The following CDC23 variants were observed in gnomAD, a reference collection of about 807,000 sequenced individuals.
CDC23 encodes cell division cycle protein 23 homolog.
Under a neutral mutation model 81.7 loss-of-function variants are expected in CDC23, and 26 were observed. That is an observed-to-expected ratio of 0.32 (90% CI 0.23 to 0.44). The LOEUF (loss-of-function observed/expected upper bound fraction) is 0.44, where lower values mean the gene tolerates loss of function less well. CDC23 is among the 20% of genes least tolerant of loss of function. CDC23 has a pLI of 1.00. For synonymous variants in CDC23, 267 were observed against 270.8 expected (o/e 0.99, Z 0.14); for missense variants, 519 against 728.0 (o/e 0.71, Z 3.30).
rs1214376068 is a variant in CDC23, at chr5:138,188,175, T to G, written c.*803A>C. 1.3e-5 allele frequency: 2 copies of G among 152,286 alleles called. 1 individual carries two copies. Among genetic ancestry groups the G allele is most frequent in the South Asian group, 4.1e-4 (2 of 4,822 alleles). 9.4% of individuals were successfully genotyped at this position (152,286 alleles called of 1,614,324 possible). On this transcript the variant is annotated 3_prime_UTR_variant, in exon 16 of 16. Coordinates refer to ENST00000394886, the MANE Select transcript of CDC23 (RefSeq NM_004661.4). ...TTTATTAAAACAGACCAGCTTGAAGTGAGTTTATTCTTGTCTGTATAATCA... is the reference window on the plus strand; with the variant it reads ...TTTATTAAAACAGACCAGCTTGAAGGGAGTTTATTCTTGTCTGTATAATCA...
intron 10 of CDC23, 30 bp from the exon 11 acceptor site, chr5:138,192,418 A>G: frequency 6.2e-7 from 1 of 1,614,126 alleles, no homozygotes; most frequent in Non-Finnish European, 8.5e-7. Flanking sequence ...GGTTGTTAAG[A>G]AGGCAGAATC....
At chr5:138,197,866 T>C (rs1754935178) in intron 9 of CDC23, among the ~76,000 whole-genome samples, 1 of 152,118 alleles carries the variant, frequency 6.6e-6, no homozygotes, top group Non-Finnish European at 1.5e-5. Context: ...ATCTTCAGAG[T>C]AGGATTAATC....
chr5:138,189,203 C>A, intron 15 of CDC23, 55 bp from the exon 16 acceptor site: 1 of 1,537,738 alleles, frequency 6.5e-7, no homozygotes, highest in Non-Finnish European at 8.9e-7. Flanking sequence ...GTCTCGAAAA[C>A]AAGTTATTAA....
chr5:138,195,524 T>C (rs1363058134), intron 9 of CDC23, among the ~76,000 whole-genome samples: 1 of 122,120 alleles, frequency 8.2e-6, no homozygotes, highest in African/African-American at 3.1e-5. Flanking sequence ...TAAATATATA[T>C]AAATTATATA....
intron 2 of CDC23, among the ~76,000 whole-genome samples, chr5:138,207,421 T>A (rs1447622943): frequency 6.6e-6 from 1 of 152,168 alleles, no homozygotes; most frequent in Non-Finnish European, 1.5e-5. Context: ...ATGAAGCCAA[T>A]AATACTGACC....
In CDC23 at chr5:138,195,536, A is replaced by C. The variant is rs1295997520; in HGVS notation, c.1012+2663T>G. Among the ~76,000 whole-genome samples the C allele has an allele frequency of 6.2e-4, 73 of 117,878 alleles. 1 individual carries two copies. The highest frequency in any genetic ancestry group is 2.3e-3 in the African/African-American group (72 of 30,700). 77.3% of individuals were successfully genotyped at this position (117,878 alleles called of 152,430 possible). On this transcript the variant is annotated intron_variant, in intron 9 of 15. Coordinates refer to ENST00000394886, the MANE Select transcript of CDC23 (RefSeq NM_004661.4). Reference sequence around the variant, plus strand: ...ATATAAATATATATAAATTATATATATTTATATATAATATAATTATATATA... The same window carrying C: ...ATATAAATATATATAAATTATATATCTTTATATATAATATAATTATATATA...
intron 6 of CDC23, 134 bp downstream of exon 6, chr5:138,200,973 G>A (rs17228428): frequency 0.014 from 12,588 of 924,316 alleles, 130 homozygotes; most frequent in Non-Finnish European, 0.017. Flanking sequence ...CCAAAACAGC[G>A]AAAAGACACC....
intron 13 of CDC23, among the ~76,000 whole-genome samples, chr5:138,190,537 G>T (rs566344357): frequency 6.6e-6 from 1 of 152,102 alleles, no homozygotes; most frequent in Non-Finnish European, 1.5e-5. Flanking sequence ...GCCAAGGCGG[G>T]TGGGTCATCA....
At chr5:138,197,419 G>C (rs1754926987) in intron 9 of CDC23, among the ~76,000 whole-genome samples, 1 of 150,494 alleles carries the variant, frequency 6.6e-6, no homozygotes. Flanking sequence ...TAAAAAAAAG[G>C]AAGTTAGATA....
At chr5:138,207,266 T>C (rs77884053) in intron 2 of CDC23, among the ~76,000 whole-genome samples, 1,690 of 152,302 alleles carry the variant, frequency 0.011, 38 homozygotes, top group African/African-American at 0.039. Context: ...TAAATGTGTA[T>C]TGTTTCTATA....
intron 3 of CDC23, among the ~76,000 whole-genome samples, chr5:138,202,797 T>C (rs1166515059): frequency 2.0e-5 from 3 of 152,168 alleles, no homozygotes; most frequent in Non-Finnish European, 4.4e-5. Context: ...GTAGACAAAA[T>C]GCTAGAGTAG....
At chr5:138,196,682 A>G (rs1363211496) in intron 9 of CDC23, among the ~76,000 whole-genome samples, 3 of 143,856 alleles carry the variant, frequency 2.1e-5, no homozygotes, top group African/African-American at 5.2e-5. Context: ...CAGGGTTCAC[A>G]CCATTCTCCT....
At chr5:138,212,678 T>C (rs538575211) in intron 2 of CDC23, among the ~76,000 whole-genome samples, 1 of 152,334 alleles carries the variant, frequency 6.6e-6, no homozygotes, top group South Asian at 2.1e-4. Flanking sequence ...TAATAATTCC[T>C]TATAATAATA....
At chr5:138,190,219 A>G (rs776976424) in intron 13 of CDC23, 7 of 272,780 alleles carry the variant, frequency 2.6e-5, no homozygotes, top group Admixed American at 5.0e-5. Context: ...GCACTTTGGG[A>G]GGCCAAGGAG....
intron 13 of CDC23, 152 bp downstream of exon 13, chr5:138,191,322 T>C: frequency 1.3e-6 from 1 of 745,290 alleles, no homozygotes; most frequent in East Asian, 2.5e-5. Context: ...AGGAACAAGA[T>C]GGCTACATTC....
At chr5:138,192,910 A>T (rs17234912) in intron 9 of CDC23, among the ~76,000 whole-genome samples, 20 of 152,188 alleles carry the variant, frequency 1.3e-4, no homozygotes, top group African/African-American at 4.8e-4. Context: ...ACCTGGATAC[A>T]GCATTTATAT....
chr5:138,199,463 A>G lies in CDC23; in HGVS notation c.655-681T>C, dbSNP rs139040930. The stretch of plus-strand genomic sequence containing the variant: ...AAAAAAGAGAAAGAAATAGTTTGGA[A>G]ACAGTATAGAGATGACTTGGAAATG... On this transcript the variant is annotated intron_variant, in intron 6 of 15. Transcript: ENST00000394886. Among the ~76,000 whole-genome samples, 557 of 152,340 alleles carry G rather than the reference A, an allele frequency of 3.7e-3. 3 individuals carry two copies. The highest frequency in any genetic ancestry group is 0.013 in the African/African-American group (530 of 41,590).
intron 6 of CDC23, among the ~76,000 whole-genome samples, chr5:138,200,258 AG>A (rs1487480605): frequency 6.6e-6 from 1 of 152,070 alleles, no homozygotes; most frequent in Non-Finnish European, 1.5e-5. Context: ...CAGCCTCCCG[AG>A]TAGCTGGGAT....
intron 2 of CDC23, among the ~76,000 whole-genome samples, chr5:138,208,230 C>T (rs993995618): frequency 1.3e-5 from 2 of 152,114 alleles, no homozygotes; most frequent in African/African-American, 2.4e-5. Flanking sequence ...GCTGGGATTA[C>T]AGGCACGAGC....
Sources: gnomAD v4.1 joint callset for allele counts (sites outside exome capture counted in the v4.1 genomes callset) on GRCh38, gnomAD v4.1.1 for gene constraint, MANE v1.5 for transcripts, NCBI Gene and HGNC (gene_info 2026-07-23, HGNC 2026-07-21) for gene names.